The following PCDH7 variants were observed in gnomAD, a reference collection of about 807,000 sequenced individuals.
The protein encoded by PCDH7 is protocadherin-7.
Under a neutral mutation model 58.9 loss-of-function variants are expected in PCDH7, and 17 were observed. The observed-to-expected ratio is 0.29, with a 90% CI of 0.20 to 0.43. PCDH7 has a LOEUF of 0.43. Among genes scored for constraint, PCDH7 ranks in the 20% least tolerant of loss-of-function variants. PCDH7 has a pLI of 1.00. For missense variants in PCDH7, 1,274 were observed against 1,441.0 expected (o/e 0.88, Z 1.88); for synonymous variants, 664 against 616.4 (o/e 1.08, Z -1.14).
intron 3 of PCDH7, among the ~76,000 whole-genome samples, chr4:31,018,453 G>A (rs1206375351): frequency 2.0e-5 from 3 of 152,046 alleles, no homozygotes; most frequent in African/African-American, 7.2e-5. Context: ...GCATGTACCT[G>A]TCTCTATATC....
At chr4:31,002,775 T>G (rs1752454277) in intron 3 of PCDH7, among the ~76,000 whole-genome samples, 1 of 152,226 alleles carries the variant, frequency 6.6e-6, no homozygotes. Context: ...TCTGTTATAT[T>G]GATTCTATCT....
At chr4:30,827,081 G>C (rs77929389) in intron 1 of PCDH7, among the ~76,000 whole-genome samples, 1 of 152,104 alleles carries the variant, frequency 6.6e-6, no homozygotes, top group Non-Finnish European at 1.5e-5. Context: ...CAAATGCAAA[G>C]AAAGTCCACA....
chr4:30,834,939 A>G (rs1394934378), intron 1 of PCDH7, among the ~76,000 whole-genome samples: 1 of 151,742 alleles, frequency 6.6e-6, no homozygotes, highest in Non-Finnish European at 1.5e-5. Flanking sequence ...ATACACACAC[A>G]CACATATATA....
At chr4:30,959,809 T>C (rs1748211206) in intron 3 of PCDH7, among the ~76,000 whole-genome samples, 1 of 152,222 alleles carries the variant, frequency 6.6e-6, no homozygotes, top group African/African-American at 2.4e-5. Context: ...TGGTAGGTAG[T>C]TGTTATTTAT....
intron 2 of PCDH7, among the ~76,000 whole-genome samples, chr4:30,923,997 A>G (rs1014879077): frequency 3.0e-4 from 45 of 152,208 alleles, no homozygotes; most frequent in African/African-American, 1.0e-3. Context: ...CATTAGGCTT[A>G]AAAGCACCAT....
chr4:30,914,511 A>G (rs1040728391), intron 1 of PCDH7, among the ~76,000 whole-genome samples: 2 of 152,238 alleles, frequency 1.3e-5, no homozygotes, highest in Admixed American at 6.5e-5. Flanking sequence ...TTGTATGTAC[A>G]TATTTGCATT....
chr4:31,136,978 A>G (rs188211484), intron 3 of PCDH7, among the ~76,000 whole-genome samples: 3 of 152,364 alleles, frequency 2.0e-5, no homozygotes, highest in Admixed American at 2.0e-4. Flanking sequence ...TTTTAAAATA[A>G]AGCATTTATT....
rs1378262990 is a variant in PCDH7 at position 30,720,562 on chromosome 4, G to C, written c.-861G>C. The C allele has an allele frequency of 6.5e-6, 1 of 152,678 alleles. No individual in the cohort carries two copies. The highest frequency in any genetic ancestry group is 1.5e-5 in the Non-Finnish European group (1 of 68,086). 9.5% of individuals were successfully genotyped at this position (152,678 alleles called of 1,614,324 possible). ...TTCGTGACTAATGACCTTGCGCAGAGTTGTTAAGAAAAAAGAGAAACCCGC... is the reference window on the plus strand; with the variant it reads ...TTCGTGACTAATGACCTTGCGCAGACTTGTTAAGAAAAAAGAGAAACCCGC... On this transcript the variant is annotated 5_prime_UTR_variant, in exon 1 of 2. Coordinates refer to ENST00000361762, the Ensembl canonical transcript of PCDH7. The surrounding 1 kb of genome is among the most constrained non-coding windows in gnomAD (Gnocchi z 4.7).
chr4:31,029,245 AT>A (rs1182454287), intron 3 of PCDH7, among the ~76,000 whole-genome samples: 5 of 152,172 alleles, frequency 3.3e-5, no homozygotes, highest in Non-Finnish European at 5.9e-5. Flanking sequence ...CTATAAGTCC[AT>A]TTTTTTGGTG....
At chr4:30,759,193 T>C (rs1418507527) in intron 1 of PCDH7, among the ~76,000 whole-genome samples, 2 of 152,082 alleles carry the variant, frequency 1.3e-5, no homozygotes, top group Admixed American at 1.3e-4. Context: ...CCGCCCGCCC[T>C]GGCCTCCCAA....
intron 3 of PCDH7, among the ~76,000 whole-genome samples, chr4:31,122,819 G>T (rs908132363): frequency 1.3e-5 from 2 of 151,490 alleles, no homozygotes; most frequent in African/African-American, 4.9e-5. Flanking sequence ...TTTCTTTGGG[G>T]GAAATGAGAG....
chr4:31,130,736 C>T (rs767247641), intron 3 of PCDH7, among the ~76,000 whole-genome samples: 1 of 152,172 alleles, frequency 6.6e-6, no homozygotes, highest in East Asian at 1.9e-4. Flanking sequence ...GCCTACATTC[C>T]TTTTCCATCT....
intron 3 of PCDH7, among the ~76,000 whole-genome samples, chr4:30,962,333 G>C (rs901984170): frequency 6.6e-6 from 1 of 152,174 alleles, no homozygotes; most frequent in African/African-American, 2.4e-5. Flanking sequence ...CACATGCCAA[G>C]ATGTATCAGC....
At chr4:30,724,206 T>C (rs1258807131) in exon 1 of PCDH7, 1 of 1,613,860 alleles carries the variant, frequency 6.2e-7, no homozygotes, top group Admixed American at 1.7e-5. Flanking sequence ...CCCAACAGCA[T>C]GACAAATCTA....
chr4:31,014,102 C>T (rs1753424803), intron 3 of PCDH7, among the ~76,000 whole-genome samples: 1 of 151,696 alleles, frequency 6.6e-6, no homozygotes, highest in Non-Finnish European at 1.5e-5. Context: ...GTAGGGTAAA[C>T]TCATTTAAAA....
At chr4:30,845,903 T>C (rs1441675883) in intron 1 of PCDH7, among the ~76,000 whole-genome samples, 5 of 152,244 alleles carry the variant, frequency 3.3e-5, no homozygotes, top group African/African-American at 1.2e-4. Flanking sequence ...TCTCTATTCT[T>C]ATTTGAATGC....
intron 1 of PCDH7, among the ~76,000 whole-genome samples, chr4:30,758,020 A>G (rs1719539388): frequency 6.6e-6 from 1 of 152,210 alleles, no homozygotes; most frequent in Admixed American, 6.5e-5. Flanking sequence ...GTGCATGATT[A>G]ATAAGACATT....
intron 1 of PCDH7, among the ~76,000 whole-genome samples, chr4:30,836,150 G>C (rs1258110563): frequency 6.6e-6 from 1 of 152,174 alleles, no homozygotes; most frequent in Non-Finnish European, 1.5e-5. Context: ...ACATGAAGAT[G>C]TTGTAAGTAC....
intron 2 of PCDH7, among the ~76,000 whole-genome samples, chr4:30,949,538 C>A (rs188412150): frequency 7.0e-4 from 106 of 152,182 alleles, no homozygotes; most frequent in African/African-American, 2.4e-3. Context: ...ATAATTAAAA[C>A]ATGAACATTT....
Sources: allele counts gnomAD v4.1 joint callset (sites outside exome capture counted in the v4.1 genomes callset), GRCh38; gene constraint gnomAD v4.1.1; non-coding constraint Gnocchi (gnomAD v3.1); transcripts MANE v1.5; gene names NCBI Gene and HGNC (gene_info 2026-07-23, HGNC 2026-07-21).